SCHIP1: variants seen among roughly 807,000 people sequenced by gnomAD.
The protein encoded by SCHIP1 is schwannomin interacting protein 1.
SCHIP1 carries 8 observed loss-of-function variants against 29.7 expected under a neutral mutation model. The observed-to-expected ratio is 0.27, with a 90% confidence interval of 0.16 to 0.49. The LOEUF is 0.49. SCHIP1 is among the 20% of genes least tolerant of loss of function. The pLI is 0.99. For synonymous variants in SCHIP1, 76 were observed against 94.9 expected (o/e 0.80, Z 1.16); for missense variants, 193 against 294.6 (o/e 0.66, Z 2.52).
the SCHIP1 span, among the ~76,000 whole-genome samples, chr3:159,343,991 T>C: frequency 6.6e-6 from 1 of 152,170 alleles, no homozygotes; most frequent in South Asian, 2.1e-4. Flanking sequence ...TAAAATTATT[T>C]TAAAACAAGA....
chr3:159,375,700 G>A, the SCHIP1 span: 1 of 564,108 alleles, frequency 1.8e-6, no homozygotes, highest in Non-Finnish European at 2.2e-6. Context: ...TCATGCCATT[G>A]CACTCCAGCC....
the SCHIP1 span, among the ~76,000 whole-genome samples, chr3:159,576,630 A>G: frequency 2.6e-5 from 4 of 152,100 alleles, no homozygotes; most frequent in African/African-American, 4.8e-5. Flanking sequence ...TGTTACCACC[A>G]TTTGATTGTA....
the SCHIP1 span, among the ~76,000 whole-genome samples, chr3:159,342,619 TCAGA>T: frequency 7.2e-5 from 11 of 152,206 alleles, no homozygotes; most frequent in Admixed American, 2.0e-4. Flanking sequence ...TTTTTATTAC[TCAGA>T]CAAAGAAGAA....
At chr3:159,431,484 A>G in the SCHIP1 span, among the ~76,000 whole-genome samples, 16 of 152,164 alleles carry the variant, frequency 1.1e-4, no homozygotes, top group Non-Finnish European at 2.1e-4. Context: ...TATGTTTGTA[A>G]GCAAAAAGTC....
the SCHIP1 span, among the ~76,000 whole-genome samples, chr3:159,545,987 T>C: frequency 2.6e-5 from 4 of 152,048 alleles, no homozygotes; most frequent in Non-Finnish European, 5.9e-5. Flanking sequence ...ACATATTTTA[T>C]AAGATGTATT....
At chr3:159,563,518 A>AT in the SCHIP1 span, among the ~76,000 whole-genome samples, 1 of 152,054 alleles carries the variant, frequency 6.6e-6, no homozygotes, top group South Asian at 2.1e-4. Context: ...ATATATAATT[A>AT]TTTTTTTAAA....
chr3:159,752,066 A>G, the SCHIP1 span, among the ~76,000 whole-genome samples: 3 of 130,656 alleles, frequency 2.3e-5, no homozygotes, highest in African/African-American at 9.0e-5. Context: ...GCCCAGCTCT[A>G]TTTCTTCCTC....
chr3:159,862,025 C>G lies in SCHIP1; in HGVS notation c.31-4138C>G, dbSNP rs550551344. Among the ~76,000 whole-genome samples, 5 of 152,144 alleles carry G rather than the reference C, an allele frequency of 3.3e-5. No homozygotes were observed. The East Asian group carries it at 9.6e-4, about 29-fold the overall frequency. ...GGCAACTGAAAGAAAATTGGGTTCT[C>G]ATTGTTAAATTTTCAGATTGAGTAG... is the stretch of plus-strand genomic sequence containing the variant. On this transcript the variant is annotated intron_variant, in intron 1 of 6. Coordinates refer to ENST00000445224, the Ensembl canonical transcript of SCHIP1.
At chr3:159,685,046 C>T in the SCHIP1 span, among the ~76,000 whole-genome samples, 7 of 152,252 alleles carry the variant, frequency 4.6e-5, no homozygotes, top group East Asian at 1.3e-3. Flanking sequence ...TTAAATTATA[C>T]TTGTCTCAGT....
intron 2 of SCHIP1, 71 bp from the exon 4 acceptor site, chr3:159,886,136 G>C: frequency 6.5e-7 from 1 of 1,549,590 alleles, no homozygotes; most frequent in South Asian, 1.1e-5. Flanking sequence ...AGCAAAATCA[G>C]ACAGTTCTAT....
At chr3:159,487,069 G>A in the SCHIP1 span, among the ~76,000 whole-genome samples, 17 of 152,132 alleles carry the variant, frequency 1.1e-4, no homozygotes, top group Non-Finnish European at 2.2e-4. Flanking sequence ...CAGAGCAGAG[G>A]CCTGCTCAGG....
intron 2 of SCHIP1, among the ~76,000 whole-genome samples, chr3:159,871,769 G>T (rs1054859060): frequency 1.4e-5 from 2 of 145,378 alleles, no homozygotes; most frequent in Non-Finnish European, 3.1e-5. Flanking sequence ...TAATTTCCTT[G>T]ATTTCAGTAA....
the SCHIP1 span, among the ~76,000 whole-genome samples, chr3:159,365,722 G>C: frequency 1.8e-4 from 28 of 152,104 alleles, no homozygotes; most frequent in African/African-American, 6.3e-4. Context: ...ACTTCTGGCC[G>C]AGCAAATTCA....
chr3:159,316,135 G>A, the SCHIP1 span, among the ~76,000 whole-genome samples: 1 of 151,400 alleles, frequency 6.6e-6, no homozygotes, highest in Non-Finnish European at 1.5e-5. Context: ...TTGGTTCTTT[G>A]GTTCAAATCC....
chr3:159,718,676 A>G, the SCHIP1 span, among the ~76,000 whole-genome samples: 11 of 152,148 alleles, frequency 7.2e-5, no homozygotes, highest in African/African-American at 2.7e-4. Flanking sequence ...AACTTACAAG[A>G]GATGTGAAGG....
chr3:159,618,656 A>T, the SCHIP1 span, among the ~76,000 whole-genome samples: 1 of 152,246 alleles, frequency 6.6e-6, no homozygotes, highest in Non-Finnish European at 1.5e-5. Context: ...AAAACGAAAC[A>T]AAACTTAGAC....
chr3:159,664,071 G>T, the SCHIP1 span, among the ~76,000 whole-genome samples: 1 of 152,102 alleles, frequency 6.6e-6, no homozygotes, highest in African/African-American at 2.4e-5. Flanking sequence ...TGGTCCTTTT[G>T]ACAGGATTTA....
intron 1 of SCHIP1, among the ~76,000 whole-genome samples, chr3:159,858,514 G>T (rs1181573422): frequency 1.3e-5 from 2 of 152,138 alleles, no homozygotes; most frequent in African/African-American, 2.4e-5. Flanking sequence ...ATTTCTATCT[G>T]CCTGCTTCTG....
chr3:159,633,870 G>T, the SCHIP1 span, among the ~76,000 whole-genome samples: 1 of 152,132 alleles, frequency 6.6e-6, no homozygotes, highest in African/African-American at 2.4e-5. Flanking sequence ...TTAGTGATAG[G>T]CATTAGAGGG....
Sources: allele counts gnomAD v4.1 joint callset (sites outside exome capture counted in the v4.1 genomes callset), GRCh38; gene constraint gnomAD v4.1.1; transcripts MANE v1.5; gene names NCBI Gene and HGNC (gene_info 2026-07-23, HGNC 2026-07-21).